The following ARL13B variants were observed in gnomAD, a reference collection of about 807,000 sequenced individuals.
ARL13B encodes ARF like GTPase 13B.
Under a neutral mutation model 56.1 loss-of-function variants are expected in ARL13B, and 36 were observed. The observed-to-expected ratio is 0.64, with a 90% CI of 0.49 to 0.85. The LOEUF is 0.85. Ranked by LOEUF, ARL13B falls within the 40% of genes least tolerant of loss-of-function variation. The probability of loss-of-function intolerance (pLI) is 0.00; values close to 1 mark genes in which losing one functional copy is unlikely to be tolerated. For synonymous variants in ARL13B, 178 were observed against 171.1 expected (o/e 1.04, Z -0.32); for missense variants, 519 against 507.1 (o/e 1.02, Z -0.23).
At position 94,043,148 on chromosome 3, in the gene ARL13B, A is replaced by G. The variant is rs755354927; in HGVS notation, c.932A>G (p.Asn311Ser). The G allele has an allele frequency of 3.1e-6, 5 of 1,613,700 alleles. No homozygotes were observed. In the African/African-American group the frequency reaches 6.7e-5, roughly 22 times the overall value. ...QGQVNHNGQK[N>S]NEFGLVENYK... ...CAGGTTAATCACAATGGCCAAAAAAATAATGAATTTGGACTAGTAGAAAAT... is the reference window on the plus strand; with the variant it reads ...CAGGTTAATCACAATGGCCAAAAAAGTAATGAATTTGGACTAGTAGAAAAT... Residue 311 changes from asparagine (N) to serine (S), a missense_variant, in exon 7 of 10, where the codon AAT (asparagine) becomes AGT (serine). Coordinates refer to ENST00000394222, the MANE Select transcript of ARL13B (RefSeq NM_001174150.2).
At chr3:93,987,741 C>T (rs1010879616) in intron 1 of ARL13B, among the ~76,000 whole-genome samples, 3 of 152,054 alleles carry the variant, frequency 2.0e-5, no homozygotes, top group African/African-American at 4.8e-5. Context: ...CTTGACTGCC[C>T]GGGCTCAACC....
intron 3 of ARL13B, among the ~76,000 whole-genome samples, chr3:94,030,275 G>A (rs966224324): frequency 1.3e-5 from 2 of 152,016 alleles, no homozygotes; most frequent in African/African-American, 4.8e-5. Context: ...CACCCAGCCT[G>A]GAGTGCAGTG....
intron 7 of ARL13B, among the ~76,000 whole-genome samples, chr3:94,046,614 A>G (rs934333834): frequency 6.6e-6 from 1 of 152,106 alleles, no homozygotes; most frequent in South Asian, 2.1e-4. Flanking sequence ...TGTTTTGGCT[A>G]TTACAAATAA....
chr3:94,017,015 T>C (rs1477310278), intron 3 of ARL13B, among the ~76,000 whole-genome samples: 1 of 152,160 alleles, frequency 6.6e-6, no homozygotes, highest in East Asian at 1.9e-4. Context: ...GATGTATGGA[T>C]AGACTAAACT....
intron 3 of ARL13B, among the ~76,000 whole-genome samples, chr3:94,021,561 G>A (rs1402005045): frequency 6.6e-6 from 1 of 152,154 alleles, no homozygotes; most frequent in South Asian, 2.1e-4. Context: ...AAACTATTGG[G>A]AAGTAATGTG....
At chr3:94,011,625 T>C (rs577966568) in intron 3 of ARL13B, among the ~76,000 whole-genome samples, 114 of 152,298 alleles carry the variant, frequency 7.5e-4, no homozygotes, top group African/African-American at 2.7e-3. Flanking sequence ...GTCCAGCTTC[T>C]GCATTTGTGC....
intron 1 of ARL13B, among the ~76,000 whole-genome samples, chr3:93,985,573 C>T (rs193031441): frequency 4.5e-4 from 69 of 152,120 alleles, no homozygotes; most frequent in African/African-American, 1.6e-3. Flanking sequence ...ATATATTATG[C>T]ATACATAACT....
chr3:94,023,657 AG>A (rs1463145427), intron 3 of ARL13B, among the ~76,000 whole-genome samples: 2 of 152,156 alleles, frequency 1.3e-5, no homozygotes, highest in African/African-American at 4.8e-5. Flanking sequence ...CACAACTAAA[AG>A]GTGGCAGATC....
At chr3:94,013,685 C>G (rs918580557) in intron 3 of ARL13B, among the ~76,000 whole-genome samples, 4 of 152,204 alleles carry the variant, frequency 2.6e-5, no homozygotes, top group African/African-American at 9.7e-5. Flanking sequence ...GTGGCTCACA[C>G]CTGTAATTCC....
chr3:94,038,348 C>A (rs1487178214), intron 5 of ARL13B, among the ~76,000 whole-genome samples: 6 of 152,100 alleles, frequency 3.9e-5, no homozygotes, highest in Admixed American at 6.5e-5. Context: ...ATCTCCAAAT[C>A]TTGGCTTCCT....
chr3:94,046,985 G>C (rs2076994109), intron 7 of ARL13B, among the ~76,000 whole-genome samples: 1 of 151,920 alleles, frequency 6.6e-6, no homozygotes, highest in Non-Finnish European at 1.5e-5. Context: ...TTATCTACTA[G>C]ATATACGTTA....
chr3:94,043,329 A>G (rs1462781447), intron 7 of ARL13B, 89 bp downstream of exon 7: 3 of 1,174,158 alleles, frequency 2.6e-6, no homozygotes, highest in Non-Finnish European at 3.6e-6. Flanking sequence ...TGTTTTTACA[A>G]ACGAGTACTT....
chr3:94,031,230 A>G (rs2076671717), intron 3 of ARL13B, among the ~76,000 whole-genome samples: 1 of 152,170 alleles, frequency 6.6e-6, no homozygotes, highest in Non-Finnish European at 1.5e-5. Context: ...AAGCTAAGTA[A>G]AACTTGGTAG....
chr3:94,003,605 A>G, intron 2 of ARL13B, 54 bp from the exon 3 acceptor site: 1 of 1,587,640 alleles, frequency 6.3e-7, no homozygotes, highest in South Asian at 1.1e-5. Context: ...TGAAAAATTA[A>G]CGTTGTCAAT....
At chr3:94,013,007 C>T (rs903149014) in intron 3 of ARL13B, among the ~76,000 whole-genome samples, 59 of 152,184 alleles carry the variant, frequency 3.9e-4, no homozygotes, top group Non-Finnish European at 8.8e-5. Flanking sequence ...CAAAACCTTA[C>T]ATCTAGCCCT....
At chr3:94,018,463 A>G (rs562341674) in intron 3 of ARL13B, among the ~76,000 whole-genome samples, 1 of 151,496 alleles carries the variant, frequency 6.6e-6, no homozygotes, top group African/African-American at 2.4e-5. Context: ...CTTTATCACT[A>G]TTTTCTTTTT....
intron 6 of ARL13B, among the ~76,000 whole-genome samples, chr3:94,040,716 A>T: frequency 6.8e-6 from 1 of 147,022 alleles, no homozygotes; most frequent in African/African-American, 2.5e-5. Context: ...CCATTCTATC[A>T]GATATTATAT....
At chr3:94,009,988 A>G (rs945885100) in intron 3 of ARL13B, among the ~76,000 whole-genome samples, 1 of 152,118 alleles carries the variant, frequency 6.6e-6, no homozygotes, top group Non-Finnish European at 1.5e-5. Context: ...ACGTAGCAAG[A>G]TATTGTCCAT....
intron 3 of ARL13B, among the ~76,000 whole-genome samples, chr3:94,020,091 A>G (rs1307906255): frequency 2.6e-5 from 4 of 152,142 alleles, no homozygotes; most frequent in Admixed American, 1.3e-4. Context: ...TTCTCCTCCC[A>G]GTATTAACTC....
Sources: allele counts gnomAD v4.1 joint callset (sites outside exome capture counted in the v4.1 genomes callset), GRCh38; gene constraint gnomAD v4.1.1; transcripts MANE v1.5; gene names NCBI Gene and HGNC (gene_info 2026-07-23, HGNC 2026-07-21).